PLCB1: variants seen among roughly 807,000 people sequenced by gnomAD.
PLCB1 encodes the protein phospholipase C beta 1, also known as 1-phosphatidylinositol 4,5-bisphosphate phosphodiesterase beta-1.
A neutral mutation model predicts 161.8 loss-of-function variants in PLCB1; 46 were observed. The observed-to-expected ratio is 0.28, with a 90% CI of 0.22 to 0.36. PLCB1 has a LOEUF of 0.36. Ranked by LOEUF, PLCB1 falls within the 10% of genes least tolerant of loss-of-function variation. PLCB1 has a pLI of 1.00. For synonymous variants in PLCB1, 517 were observed against 503.7 expected (o/e 1.03, Z -0.35); for missense variants, 1,016 against 1,472.5 (o/e 0.69, Z 5.07).
At chr20:8,436,448 AGAC>A (rs775314204) in intron 3 of PLCB1, among the ~76,000 whole-genome samples, 8 of 148,396 alleles carry the variant, frequency 5.4e-5, no homozygotes, top group African/African-American at 1.2e-4. Flanking sequence ...AAAAAAAACA[AGAC>A]AACAAACACT....
intron 3 of PLCB1, among the ~76,000 whole-genome samples, chr20:8,573,938 G>A (rs1265134660): frequency 2.0e-5 from 3 of 152,178 alleles, no homozygotes; most frequent in Non-Finnish European, 4.4e-5. Context: ...GATGGACATT[G>A]TGCAAAAGGG....
chr20:8,871,193 A>G (rs1480001238), intron 31 of PLCB1, among the ~76,000 whole-genome samples: 2 of 152,178 alleles, frequency 1.3e-5, no homozygotes, highest in African/African-American at 2.4e-5. Flanking sequence ...TAAATGTGTG[A>G]TAATTTAATT....
Position 8,397,813 on chromosome 20 carries a change from T to C in PLCB1, c.246+26363T>C, listed in dbSNP as rs78135011. 1.7e-3 allele frequency among the ~76,000 whole-genome samples: 265 copies of C among 152,292 alleles called. 1 individual carries two copies. Among genetic ancestry groups the C allele is most frequent in the Middle Eastern group, 6.8e-3 (2 of 294 alleles). On this transcript the variant is annotated intron_variant, in intron 3 of 31. Transcript: ENST00000338037. ...AATCTTTTTCATTCTTTTGTACAGC[T>C]GCATATTGCTCCACTATATGGAGGT...
At chr20:8,854,565 G>T (rs1987003839) in intron 31 of PLCB1, among the ~76,000 whole-genome samples, 1 of 152,198 alleles carries the variant, frequency 6.6e-6, no homozygotes, top group Non-Finnish European at 1.5e-5. Context: ...AAGGGGAGGG[G>T]AGTAGGGAAA....
chr20:8,413,747 A>C (rs1235208752), intron 3 of PLCB1, among the ~76,000 whole-genome samples: 2 of 152,196 alleles, frequency 1.3e-5, no homozygotes, highest in Non-Finnish European at 2.9e-5. Context: ...CATATTCTGA[A>C]TCTTTTATTT....
At chr20:8,797,957 G>A (rs901714411) in intron 31 of PLCB1, among the ~76,000 whole-genome samples, 1 of 152,166 alleles carries the variant, frequency 6.6e-6, no homozygotes, top group Non-Finnish European at 1.5e-5. Flanking sequence ...ACTTTGGGAG[G>A]CCAAGACAGC....
chr20:8,732,263 G>A (rs1361074684), intron 18 of PLCB1: 1 of 151,966 alleles, frequency 6.6e-6, no homozygotes, highest in African/African-American at 2.4e-5. Flanking sequence ...CTTTTAATGA[G>A]GCATGGAGAA....
At chr20:8,423,568 T>C (rs192637562) in intron 3 of PLCB1, among the ~76,000 whole-genome samples, 24 of 152,330 alleles carry the variant, frequency 1.6e-4, no homozygotes, top group Admixed American at 1.1e-3. Context: ...TATATATCAA[T>C]ATTTTGAATA....
chr20:8,334,312 C>A (rs564744468), intron 2 of PLCB1, among the ~76,000 whole-genome samples: 1 of 152,338 alleles, frequency 6.6e-6, no homozygotes, highest in East Asian at 1.9e-4. Flanking sequence ...CTGCAAGCTT[C>A]ACTTCCTTCA....
rs149852482 is a variant in PLCB1 at position 8,791,233 on chromosome 20, G to T, written c.3423+972G>T. Among the ~76,000 whole-genome samples the T allele has an allele frequency of 7.1e-3, 1,086 of 152,126 alleles. 14 individuals carry two copies. Among genetic ancestry groups the T allele is most frequent in the South Asian group, 0.043 (207 of 4,824 alleles). On this transcript the variant is annotated intron_variant, in intron 31 of 31. Transcript: ENST00000338037. Reference sequence around the variant, plus strand: ...GTTGGCAATATAGATTCTCAAGCAAGAATTAATAATTACTTAGATATGGTG... The same window carrying T: ...GTTGGCAATATAGATTCTCAAGCAATAATTAATAATTACTTAGATATGGTG...
chr20:8,307,266 C>G (rs1317163438), intron 2 of PLCB1, among the ~76,000 whole-genome samples: 1 of 152,188 alleles, frequency 6.6e-6, no homozygotes, highest in Non-Finnish European at 1.5e-5. Context: ...TTGAAAGGCT[C>G]TGTCTCTGGA....
chr20:8,445,950 G>A (rs530363497), intron 3 of PLCB1, among the ~76,000 whole-genome samples: 2 of 152,274 alleles, frequency 1.3e-5, no homozygotes, highest in East Asian at 1.9e-4. Flanking sequence ...AGGACCAGAC[G>A]GATTCACAGC....
At chr20:8,568,302 C>A (rs1290171477) in intron 3 of PLCB1, among the ~76,000 whole-genome samples, 1 of 152,064 alleles carries the variant, frequency 6.6e-6, no homozygotes, top group African/African-American at 2.4e-5. Flanking sequence ...GAACAGAGGT[C>A]AAAAATCAGT....
chr20:8,712,513 A>G (rs888596668), intron 12 of PLCB1, among the ~76,000 whole-genome samples: 1 of 152,222 alleles, frequency 6.6e-6, no homozygotes, highest in Non-Finnish European at 1.5e-5. Flanking sequence ...GAGAATTTCT[A>G]GAAATAAGAC....
chr20:8,658,492 A>C, intron 8 of PLCB1, 46 bp from the exon 9 acceptor site: 1 of 1,422,212 alleles, frequency 7.0e-7, no homozygotes, highest in South Asian at 1.3e-5. Flanking sequence ...TTAGAATGAA[A>C]CTTAGTTTAA....
chr20:8,556,659 GTGTGT>G (rs1568506588), intron 3 of PLCB1, among the ~76,000 whole-genome samples: 238 of 8,014 alleles, frequency 0.03, 1 homozygote, highest in Middle Eastern at 0.12. Flanking sequence ...AGGGTTGGGT[GTGTGT>G]GTGTGTGTGT....
intron 3 of PLCB1, among the ~76,000 whole-genome samples, chr20:8,553,463 G>T (rs1985839120): frequency 6.6e-6 from 1 of 152,136 alleles, no homozygotes; most frequent in Admixed American, 6.6e-5. Flanking sequence ...CAACTTCTCA[G>T]TTTTGGAAGA....
At chr20:8,788,405 T>C (rs1472932071) in intron 27 of PLCB1, 44 bp from the exon 28 acceptor site, 3 of 1,575,838 alleles carry the variant, frequency 1.9e-6, no homozygotes, top group South Asian at 1.1e-5. Context: ...GGAAGCTCTG[T>C]TTGCAATCAT....
intron 3 of PLCB1, among the ~76,000 whole-genome samples, chr20:8,486,119 A>G (rs1982711902): frequency 6.6e-6 from 1 of 152,186 alleles, no homozygotes; most frequent in Admixed American, 6.5e-5. Context: ...GAACAGCAGC[A>G]TGGTGGTAAC....
Sources: gnomAD v4.1 joint callset for allele counts (sites outside exome capture counted in the v4.1 genomes callset) on GRCh38, gnomAD v4.1.1 for gene constraint, MANE v1.5 for transcripts, NCBI Gene and HGNC (gene_info 2026-07-23, HGNC 2026-07-21) for gene names.